FAM107B: variants seen among roughly 807,000 people sequenced by gnomAD.
The protein encoded by FAM107B is family with sequence similarity 107 member B, also known as protein FAM107B.
FAM107B carries 21 observed loss-of-function variants against 31.5 expected under a neutral mutation model. That is an observed-to-expected ratio of 0.67 (90% CI 0.47 to 0.96). FAM107B has a LOEUF of 0.96. Ranked by LOEUF, FAM107B falls within the 40% of genes least tolerant of loss-of-function variation. The pLI is 0.00. For synonymous variants in FAM107B, 157 were observed against 141.5 expected, an observed-to-expected ratio of 1.11 and a Z score of -0.78; for missense variants, 452 against 377.1, an observed-to-expected ratio of 1.20 and a Z score of -1.64.
At chr10:14,658,194 T>C (rs528237275) in intron 2 of FAM107B, among the ~76,000 whole-genome samples, 46 of 152,240 alleles carry the variant, frequency 3.0e-4, no homozygotes, top group Non-Finnish European at 5.4e-4. Flanking sequence ...TGAGATTCTT[T>C]AGACTAAAAT....
chr10:14,574,411 T>C (rs184318541), intron 2 of FAM107B, among the ~76,000 whole-genome samples: 45 of 152,342 alleles, frequency 3.0e-4, no homozygotes, highest in South Asian at 8.3e-4. Flanking sequence ...CCAGTACAAA[T>C]GTGCCCTGGG....
At chr10:14,656,550 T>G (rs7922166) in intron 2 of FAM107B, among the ~76,000 whole-genome samples, 3 of 152,156 alleles carry the variant, frequency 2.0e-5, no homozygotes, top group Non-Finnish European at 4.4e-5. Context: ...ATACAAGTTC[T>G]TCTTTTTATA....
chr10:14,627,931 C>T (rs937380889), intron 2 of FAM107B, among the ~76,000 whole-genome samples: 3 of 151,850 alleles, frequency 2.0e-5, no homozygotes, highest in Non-Finnish European at 2.9e-5. Context: ...AGAGTAACTA[C>T]GAAGGGTAGG....
intron 2 of FAM107B, among the ~76,000 whole-genome samples, chr10:14,564,895 C>T (rs1304503794): frequency 2.6e-5 from 4 of 152,160 alleles, no homozygotes; most frequent in Admixed American, 6.5e-5. Flanking sequence ...TCTACACTTT[C>T]GTTCTAAAAC....
intron 1 of FAM107B, among the ~76,000 whole-genome samples, chr10:14,706,806 T>C (rs1056252300): frequency 1.3e-5 from 2 of 152,156 alleles, no homozygotes; most frequent in Non-Finnish European, 2.9e-5. Context: ...CGTGGTGGTC[T>C]TTTGGATGAT....
chr10:14,587,941 C>T (rs1012327886), intron 2 of FAM107B, among the ~76,000 whole-genome samples: 1 of 152,160 alleles, frequency 6.6e-6, no homozygotes, highest in Admixed American at 6.5e-5. Context: ...GCTGAAAACT[C>T]CAGCATGGGA....
intron 2 of FAM107B, among the ~76,000 whole-genome samples, chr10:14,641,020 C>G (rs552431801): frequency 2.0e-5 from 3 of 152,288 alleles, no homozygotes; most frequent in Admixed American, 1.3e-4. Context: ...TATGGTGGCT[C>G]TATAATGTCC....
intron 1 of FAM107B, among the ~76,000 whole-genome samples, chr10:14,752,199 G>T (rs1383891640): frequency 6.6e-6 from 1 of 152,178 alleles, no homozygotes; most frequent in African/African-American, 2.4e-5. Flanking sequence ...CTTCCTGTTT[G>T]TGCTCAGCCT....
At chr10:14,644,847 C>G (rs936489534) in intron 2 of FAM107B, among the ~76,000 whole-genome samples, 1 of 152,182 alleles carries the variant, frequency 6.6e-6, no homozygotes, top group African/African-American at 2.4e-5. Flanking sequence ...TCCTCTGTCC[C>G]ATCATCTTCG....
chr10:14,586,927 A>G (rs1851863286), intron 2 of FAM107B, among the ~76,000 whole-genome samples: 1 of 152,232 alleles, frequency 6.6e-6, no homozygotes, highest in Non-Finnish European at 1.5e-5. Context: ...AGGATGATAT[A>G]GGTGAAACAT....
At chr10:14,725,231 C>G (rs12098582) in intron 1 of FAM107B, among the ~76,000 whole-genome samples, 25,427 of 151,968 alleles carry the variant, frequency 0.17, 2,351 homozygotes, top group African/African-American at 0.26. Flanking sequence ...GCTGAGTTTT[C>G]TAGAAGCTAG....
chr10:14,635,758 A>C (rs1853483293), intron 2 of FAM107B, among the ~76,000 whole-genome samples: 1 of 151,976 alleles, frequency 6.6e-6, no homozygotes, highest in African/African-American at 2.4e-5. Context: ...CAGCCTCCCA[A>C]GTAGCTTGGA....
intron 2 of FAM107B, among the ~76,000 whole-genome samples, chr10:14,547,787 A>T (rs72768915): frequency 0.025 from 3,769 of 152,326 alleles, 69 homozygotes; most frequent in Non-Finnish European, 0.038. Context: ...GGTAACAATG[A>T]TGTGTTTTTT....
chr10:14,647,616 C>T lies in FAM107B; in HGVS notation c.469+20018G>A, dbSNP rs115532681. On this transcript the variant is annotated intron_variant, in intron 2 of 4. Transcript: ENST00000181796. Reference sequence around the variant, plus strand: ...GGAGGAATCACTTGAACCTGGGAGGCGGAGGTTGCAGAGGAGCCAAGATCG... The same window carrying T: ...GGAGGAATCACTTGAACCTGGGAGGTGGAGGTTGCAGAGGAGCCAAGATCG... 4.0e-3 allele frequency among the ~76,000 whole-genome samples: 584 copies of T among 144,966 alleles called. 3 individuals carry two copies. The highest frequency in any genetic ancestry group is 0.011 in the African/African-American group (445 of 38,976).
At position 14,583,729 on chromosome 10, in the gene FAM107B, T is replaced by C. The variant is rs150772387; in HGVS notation, c.470-53214A>G. Among the ~76,000 whole-genome samples the C allele has an allele frequency of 8.2e-4, 125 of 152,034 alleles. 1 individual carries two copies. In the East Asian group the frequency reaches 0.021, roughly 25 times the overall value. On this transcript the variant is annotated intron_variant, in intron 2 of 4. Coordinates refer to ENST00000181796, the MANE Select transcript of FAM107B (RefSeq NM_031453.4). ...ATGAAGGAGGGGGAAAAGTTGACAG[T>C]GGAAGGAAACTACAGGGAAAAAGGA...
At chr10:14,585,952 T>C (rs1851812280) in intron 2 of FAM107B, among the ~76,000 whole-genome samples, 1 of 152,178 alleles carries the variant, frequency 6.6e-6, no homozygotes, top group African/African-American at 2.4e-5. Context: ...TCTCCCTGCA[T>C]ACAAGGCACC....
intron 1 of FAM107B, among the ~76,000 whole-genome samples, chr10:14,765,703 A>G (rs1405587581): frequency 6.6e-6 from 1 of 152,222 alleles, no homozygotes; most frequent in Admixed American, 6.5e-5. Context: ...TATTTACCAT[A>G]TATTTTAAAA....
intron 1 of FAM107B, among the ~76,000 whole-genome samples, chr10:14,711,928 G>A (rs2768697): frequency 0.11 from 16,864 of 152,270 alleles, 929 homozygotes; most frequent in East Asian, 0.15. Flanking sequence ...ACAGGTGTGC[G>A]CCACCGCGCC....
intron 2 of FAM107B, among the ~76,000 whole-genome samples, chr10:14,562,478 T>C (rs1472187620): frequency 6.6e-6 from 1 of 152,228 alleles, no homozygotes; most frequent in Non-Finnish European, 1.5e-5. Context: ...GTGGGTGCTT[T>C]GTAGCTTCTG....
Sources: gnomAD v4.1 joint callset for allele counts (sites outside exome capture counted in the v4.1 genomes callset) on GRCh38, gnomAD v4.1.1 for gene constraint, MANE v1.5 for transcripts, NCBI Gene and HGNC (gene_info 2026-07-23, HGNC 2026-07-21) for gene names.